The following TTC28 variants were observed in gnomAD, a reference collection of about 807,000 sequenced individuals.
TTC28 encodes tetratricopeptide repeat protein 28.
TTC28 carries 61 observed loss-of-function variants against 198.0 expected under a neutral mutation model. The observed-to-expected ratio is 0.31, with a 90% confidence interval of 0.25 to 0.38. The LOEUF (loss-of-function observed/expected upper bound fraction) is 0.38, where lower values mean the gene tolerates loss of function less well. Ranked by LOEUF, TTC28 falls within the 10% of genes least tolerant of loss-of-function variation. The pLI is 1.00. For missense variants in TTC28, 2,678 were observed against 3,164.0 expected (o/e 0.85, Z 3.69); for synonymous variants, 1,171 against 1,297.8 (o/e 0.90, Z 2.10).
At chr22:28,429,352 A>G (rs1181961996) in intron 2 of TTC28, among the ~76,000 whole-genome samples, 1 of 152,184 alleles carries the variant, frequency 6.6e-6, no homozygotes, top group Non-Finnish European at 1.5e-5. Flanking sequence ...CCTCAAACAC[A>G]GAAAAGTGTC....
At chr22:28,674,726 G>A (rs1314870765) in intron 1 of TTC28, among the ~76,000 whole-genome samples, 2 of 151,006 alleles carry the variant, frequency 1.3e-5, no homozygotes, top group South Asian at 2.1e-4. Context: ...GGCTGAGGCA[G>A]GAGGATCACT....
chr22:28,545,790 A>T (rs984773556), intron 2 of TTC28, among the ~76,000 whole-genome samples: 11 of 152,176 alleles, frequency 7.2e-5, no homozygotes, highest in African/African-American at 2.7e-4. Context: ...GCAAGACTAT[A>T]TAAGAAAAAT....
rs146622987 is a variant in TTC28 at position 28,091,642 on chromosome 22, C to T, written c.3932+2438G>A. On this transcript the variant is annotated intron_variant, in intron 12 of 22. Coordinates refer to ENST00000397906, the MANE Select transcript of TTC28 (RefSeq NM_001145418.2). ...CAAAGTCCCATCGGCAAGGCTGACC[C>T]CATGGTGGACATGGGGTCACCGTGC... is the stretch of plus-strand genomic sequence containing the variant. Among the ~76,000 whole-genome samples, 42 of 152,162 alleles carry T rather than the reference C, an allele frequency of 2.8e-4. No individual in the cohort carries two copies. The East Asian group carries it at 7.7e-3, about 28-fold the overall frequency.
At chr22:28,335,358 G>A (rs1459212142) in intron 2 of TTC28, among the ~76,000 whole-genome samples, 1 of 152,148 alleles carries the variant, frequency 6.6e-6, no homozygotes, top group Non-Finnish European at 1.5e-5. Flanking sequence ...GGTTCCATAT[G>A]AACTTTAAAG....
chr22:28,589,777 C>T (rs1026429288), intron 2 of TTC28, among the ~76,000 whole-genome samples: 20 of 151,992 alleles, frequency 1.3e-4, no homozygotes, highest in African/African-American at 3.9e-4. Context: ...TGGTGGCTCA[C>T]GCCTGTAATC....
chr22:28,001,598 C>T, intron 14 of TTC28, 45 bp from the exon 15 acceptor site: 1 of 1,531,690 alleles, frequency 6.5e-7, no homozygotes, highest in South Asian at 1.2e-5. Context: ...GCCCAGCAGG[C>T]AGGGGTTTCA....
chr22:28,069,568 A>C (rs1465668308), intron 12 of TTC28, among the ~76,000 whole-genome samples: 1 of 152,208 alleles, frequency 6.6e-6, no homozygotes, highest in Non-Finnish European at 1.5e-5. Flanking sequence ...CATTAGCATA[A>C]GATAAAATAA....
chr22:28,579,646 GTA>G (rs1398029774), intron 2 of TTC28, among the ~76,000 whole-genome samples: 2 of 150,272 alleles, frequency 1.3e-5, no homozygotes, highest in Non-Finnish European at 3.0e-5. Flanking sequence ...GTGTGTGTGT[GTA>G]TAAATACACA....
intron 2 of TTC28, among the ~76,000 whole-genome samples, chr22:28,588,459 G>T (rs1125250): frequency 0.24 from 37,118 of 152,006 alleles, 4,710 homozygotes; most frequent in African/African-American, 0.27. Flanking sequence ...GAGGTTGCAG[G>T]AGAATCAACT....
At chr22:28,368,874 G>A (rs1232794717) in intron 2 of TTC28, among the ~76,000 whole-genome samples, 2 of 152,012 alleles carry the variant, frequency 1.3e-5, no homozygotes, top group African/African-American at 2.4e-5. Context: ...ATAAAACACT[G>A]ATGAAAGAAA....
intron 5 of TTC28, among the ~76,000 whole-genome samples, chr22:28,166,238 C>G (rs1921926961): frequency 6.6e-6 from 1 of 152,144 alleles, no homozygotes; most frequent in Admixed American, 6.5e-5. Flanking sequence ...AGACTTTAAA[C>G]CCCACTGTCA....
At chr22:28,166,873 T>C (rs949783300) in intron 5 of TTC28, among the ~76,000 whole-genome samples, 1 of 152,048 alleles carries the variant, frequency 6.6e-6, no homozygotes, top group Non-Finnish European at 1.5e-5. Flanking sequence ...AAAACATCAA[T>C]GAATCCAGGA....
In TTC28 at chr22:28,379,307, T is replaced by A. The variant is rs145559455; in HGVS notation, c.382-72664A>T. Among the ~76,000 whole-genome samples, 374 of 152,300 alleles carry A rather than the reference T, an allele frequency of 2.5e-3. 7 individuals are homozygous for A. In the East Asian group the frequency reaches 0.06, roughly 24 times the overall value. On this transcript the variant is annotated intron_variant, in intron 2 of 22. Coordinates refer to ENST00000397906, the MANE Select transcript of TTC28 (RefSeq NM_001145418.2). ...ACCCAAAATAACTGAAAGCAGGGAC[T>A]CAGACATATATTTGAATACCCATGT...
rs1925944776 is a variant in TTC28 at position 28,201,621 on chromosome 22, A to G, written c.934-38022T>C. 2.0e-5 allele frequency among the ~76,000 whole-genome samples: 3 copies of G among 152,072 alleles called. 1 individual carries two copies. The highest frequency in any genetic ancestry group is 4.8e-5 in the African/African-American group (2 of 41,394). On this transcript the variant is annotated intron_variant, in intron 5 of 22. Transcript: ENST00000397906. ...AACTTCAGTTGCAGTAACAGTGGTG[A>G]GAAAGAAAATGAGAGAGGATGGCAG...
chr22:28,159,337 C>A (rs1035702984), intron 6 of TTC28, among the ~76,000 whole-genome samples: 1 of 151,950 alleles, frequency 6.6e-6, no homozygotes, highest in African/African-American at 2.4e-5. Flanking sequence ...GAGAAGGGTT[C>A]GGAGGTTAAT....
At chr22:28,161,519 T>C (rs1177241125) in intron 6 of TTC28, among the ~76,000 whole-genome samples, 2 of 152,066 alleles carry the variant, frequency 1.3e-5, no homozygotes. Context: ...CAGGGTGGCA[T>C]GCACTGCATC....
chr22:28,088,462 G>GT (rs1941699679), intron 12 of TTC28, among the ~76,000 whole-genome samples: 7 of 152,188 alleles, frequency 4.6e-5, no homozygotes, highest in Admixed American at 4.6e-4. Context: ...CTAGCCATAT[G>GT]TAGAAAGCTG....
intron 5 of TTC28, among the ~76,000 whole-genome samples, chr22:28,170,350 G>A (rs766184098): frequency 4.6e-5 from 7 of 151,794 alleles, no homozygotes; most frequent in Admixed American, 6.6e-5. Flanking sequence ...TTAGCTGGGC[G>A]TGGTTGCGGG....
At chr22:28,130,839 C>A (rs1408365624) in intron 6 of TTC28, among the ~76,000 whole-genome samples, 1 of 152,144 alleles carries the variant, frequency 6.6e-6, no homozygotes, top group Non-Finnish European at 1.5e-5. Context: ...CTGGTGACAA[C>A]TTTATCTGTC....
Sources: gnomAD v4.1 joint callset for allele counts (sites outside exome capture counted in the v4.1 genomes callset) on GRCh38, gnomAD v4.1.1 for gene constraint, MANE v1.5 for transcripts, NCBI Gene and HGNC (gene_info 2026-07-23, HGNC 2026-07-21) for gene names.